The following CWC22 variants were observed in gnomAD, a reference collection of about 807,000 sequenced individuals.
The protein encoded by CWC22 is pre-mRNA-splicing factor CWC22 homolog.
A neutral mutation model predicts 117.2 loss-of-function variants in CWC22; 53 were observed. The ratio of observed to expected loss-of-function variants is 0.45; its 90% CI spans 0.36 to 0.57. The LOEUF (loss-of-function observed/expected upper bound fraction) is 0.57, where lower values mean the gene tolerates loss of function less well. Ranked by LOEUF, CWC22 falls within the 20% of genes least tolerant of loss-of-function variation. The pLI is 0.00. For missense variants in CWC22, 980 were observed against 1,068.8 expected (o/e 0.92, Z 1.16); for synonymous variants, 360 against 355.6 (o/e 1.01, Z -0.14).
At chr2:179,991,252 G>C (rs1272647417) in intron 2 of CWC22, among the ~76,000 whole-genome samples, 2 of 150,896 alleles carry the variant, frequency 1.3e-5, no homozygotes, top group Non-Finnish European at 3.0e-5. Flanking sequence ...AGGAGGTGCT[G>C]GAAGAGGTAG....
chr2:179,980,345 C>T (rs1687254773), intron 5 of CWC22, among the ~76,000 whole-genome samples: 1 of 152,080 alleles, frequency 6.6e-6, no homozygotes, highest in Admixed American at 6.6e-5. Flanking sequence ...ACCAAATACC[C>T]CTTTCTGGCT....
chr2:179,991,377 A>T (rs540307825), intron 2 of CWC22, among the ~76,000 whole-genome samples: 6 of 152,254 alleles, frequency 3.9e-5, no homozygotes, highest in African/African-American at 1.4e-4. Context: ...GCTGAGTTTC[A>T]CCTAAAGAAA....
chr2:180,003,799 C>G (rs1687903339), intron 1 of CWC22, among the ~76,000 whole-genome samples: 1 of 152,162 alleles, frequency 6.6e-6, no homozygotes, highest in Admixed American at 6.5e-5. Context: ...CTAACCCATT[C>G]CACAGGAGTT....
In CWC22 at chr2:179,954,205, A is replaced by G. The variant is rs1686525477; in HGVS notation, c.1689T>C (p.Ser563=). The G allele has an allele frequency of 6.2e-7, 1 of 1,605,740 alleles. No homozygotes were observed. Among genetic ancestry groups the G allele is most frequent in the African/African-American group, 1.3e-5 (1 of 74,770 alleles). ...TATAAATATTGACCCATGTACTTAC[A>G]CTCCATGGAAGTGAATCAGTGTATA... ...HLLYTDSLPW[S]VLECIKLSEE... is the part of the protein sequence containing the mutation. The change falls in exon 16 of 20, where the codon AGT becomes AGC. Residue 563 remains serine (S), a splice_region_variant and synonymous_variant. Transcript: ENST00000410053.
chr2:179,973,280 C>A, intron 7 of CWC22, 34 bp from the exon 8 acceptor site: 1 of 1,519,952 alleles, frequency 6.6e-7, no homozygotes, highest in Middle Eastern at 1.7e-4. Context: ...AACCTATAAA[C>A]TAAACCCAAT....
intron 5 of CWC22, among the ~76,000 whole-genome samples, chr2:179,980,643 T>C (rs571275123): frequency 1.3e-5 from 2 of 151,958 alleles, no homozygotes; most frequent in East Asian, 1.9e-4. Context: ...GTCTCGAACT[T>C]TGGGAGGCCG....
chr2:179,988,394 A>C (rs944636127), intron 3 of CWC22, among the ~76,000 whole-genome samples, 183 bp downstream of exon 3: 1 of 152,212 alleles, frequency 6.6e-6, no homozygotes, highest in African/African-American at 2.4e-5. Flanking sequence ...GGAATTATTT[A>C]CTAGAAACTC....
chr2:179,965,374 C>T (rs1230931603), intron 12 of CWC22, among the ~76,000 whole-genome samples: 1 of 152,060 alleles, frequency 6.6e-6, no homozygotes, highest in East Asian at 1.9e-4. Context: ...AAGTTCCGAG[C>T]TTATTTCTGT....
intron 13 of CWC22, among the ~76,000 whole-genome samples, chr2:179,963,916 G>T (rs979086773): frequency 3.3e-5 from 5 of 152,194 alleles, no homozygotes; most frequent in Non-Finnish European, 4.4e-5. Flanking sequence ...TCAATAGGTT[G>T]ATTCACATAC....
At chr2:179,949,987 G>T (rs1686403867) in intron 19 of CWC22, among the ~76,000 whole-genome samples, 1 of 152,136 alleles carries the variant, frequency 6.6e-6, no homozygotes, top group East Asian at 1.9e-4. Context: ...AATAGTAGCT[G>T]CCATGAGGAT....
intron 2 of CWC22, among the ~76,000 whole-genome samples, chr2:179,989,015 C>T (rs1687492934): frequency 6.6e-6 from 1 of 151,424 alleles, no homozygotes; most frequent in Admixed American, 6.6e-5. Context: ...GTGCTGCACC[C>T]ATCACATGAA....
At chr2:180,003,501 T>C (rs1281205506) in intron 1 of CWC22, among the ~76,000 whole-genome samples, 2 of 152,162 alleles carry the variant, frequency 1.3e-5, no homozygotes. Flanking sequence ...AGTCACCTGG[T>C]TATTTAATTA....
At chr2:179,990,566 GA>G in intron 2 of CWC22, among the ~76,000 whole-genome samples, 1 of 151,924 alleles carries the variant, frequency 6.6e-6, no homozygotes, top group Non-Finnish European at 1.5e-5. Flanking sequence ...GAGAGAGAGA[GA>G]GAGAGAGAGA....
intron 4 of CWC22, among the ~76,000 whole-genome samples, chr2:179,984,027 T>A (rs1687353121): frequency 6.6e-6 from 1 of 152,116 alleles, no homozygotes; most frequent in Admixed American, 6.6e-5. Flanking sequence ...TTTGGACTGT[T>A]AGCCTTTATG....
At chr2:179,953,399 T>G (rs1686504413) in intron 16 of CWC22, among the ~76,000 whole-genome samples, 1 of 152,078 alleles carries the variant, frequency 6.6e-6, no homozygotes, top group African/African-American at 2.4e-5. Flanking sequence ...TTCTCATCCT[T>G]CTCTCTTTCT....
chr2:179,947,705 A>G (rs535036788), intron 19 of CWC22, among the ~76,000 whole-genome samples: 5 of 152,208 alleles, frequency 3.3e-5, no homozygotes, highest in Non-Finnish European at 7.3e-5. Context: ...AGTTCCTGTA[A>G]GCAAACAATC....
chr2:179,970,608 T>G, intron 10 of CWC22, 42 bp downstream of exon 10: 2 of 1,585,176 alleles, frequency 1.3e-6, no homozygotes, highest in Non-Finnish European at 1.7e-6. Flanking sequence ...ATATTTACAT[T>G]TGTTGGTAAG....
intron 11 of CWC22, 147 bp downstream of exon 11, chr2:179,970,354 A>G: frequency 1.1e-6 from 1 of 881,142 alleles, no homozygotes; most frequent in Non-Finnish European, 1.6e-6. Context: ...GAAAAAAATA[A>G]TGCCCGAGGA....
chr2:179,955,776 C>T (rs983003486), intron 14 of CWC22, among the ~76,000 whole-genome samples: 9 of 152,014 alleles, frequency 5.9e-5, no homozygotes, highest in African/African-American at 1.9e-4. Context: ...CAGATGATTT[C>T]TACTTAACAA....
Sources: allele counts gnomAD v4.1 joint callset (sites outside exome capture counted in the v4.1 genomes callset), GRCh38; gene constraint gnomAD v4.1.1; transcripts MANE v1.5; gene names NCBI Gene and HGNC (gene_info 2026-07-23, HGNC 2026-07-21).